Variants in GLS observed in about 807,000 individuals in gnomAD.
The protein encoded by GLS is glutaminase.
GLS carries 36 observed loss-of-function variants against 86.7 expected under a neutral mutation model. The observed-to-expected ratio is 0.42, with a 90% CI of 0.32 to 0.55. The LOEUF (loss-of-function observed/expected upper bound fraction) is 0.55. Among genes scored for constraint, GLS ranks in the 20% least tolerant of loss-of-function variants. The probability of loss-of-function intolerance (pLI) is 0.17; values close to 1 mark genes in which losing one functional copy is unlikely to be tolerated. For missense variants in GLS, 528 were observed against 833.4 expected (o/e 0.63, Z 4.51); for synonymous variants, 317 against 305.9 (o/e 1.04, Z -0.38).
In GLS at chr2:190,930,647, A is replaced by T; in HGVS notation, c.1557+79A>T. 1 of 1,359,762 alleles carries T rather than the reference A, an allele frequency of 7.4e-7. No individual in the cohort carries two copies. The highest frequency in any genetic ancestry group is 1.5e-5 in the African/African-American group (1 of 68,926). 84.2% of individuals were successfully genotyped at this position (1,359,762 alleles called of 1,614,324 possible). ...GATTCTTTTTTTTAACCCATTTTCCATAGTTCATTAACTCTTGGCCCTCCG... is the reference window on the plus strand; with the variant it reads ...GATTCTTTTTTTTAACCCATTTTCCTTAGTTCATTAACTCTTGGCCCTCCG... On this transcript the variant is annotated intron_variant, in intron 13 of 17. Coordinates refer to ENST00000320717, the MANE Select transcript of GLS (RefSeq NM_014905.5). The surrounding 1 kb of genome is among the most constrained non-coding windows in gnomAD (Gnocchi z 5.0).
chr2:190,937,606 G>A (rs1690308819), intron 14 of GLS, among the ~76,000 whole-genome samples: 1 of 151,348 alleles, frequency 6.6e-6, no homozygotes, highest in Non-Finnish European at 1.5e-5. Flanking sequence ...GAACATAGGA[G>A]AGGAAGAGAA....
At position 190,938,364 on chromosome 2, in the gene GLS, CCT is replaced by C. The variant is rs1690335038; in HGVS notation, c.1650+6730_1650+6731del. On this transcript the variant is annotated intron_variant, in intron 14 of 17. Transcript: ENST00000320717. The surrounding 1 kb of genome is among the most constrained non-coding windows in gnomAD (Gnocchi z 4.1). ...ATTTATGTTTATATAATGAAAATCT[CCT>C]CTGCACAGCAATTATATTTGGAATC... Among the ~76,000 whole-genome samples, 1 of 151,394 alleles carries C rather than the reference CCT, an allele frequency of 6.6e-6. No homozygotes were observed. Among genetic ancestry groups the C allele is most frequent in the Admixed American group, 6.6e-5 (1 of 15,178 alleles).
chr2:190,933,510 T>C (rs1690175055), intron 14 of GLS: 1 of 913,040 alleles, frequency 1.1e-6, no homozygotes, highest in African/African-American at 1.8e-5. Flanking sequence ...ACTCCTCTGT[T>C]CTGTCAGAGT....
intron 7 of GLS, among the ~76,000 whole-genome samples, chr2:190,917,525 T>C (rs1198229685): frequency 6.6e-6 from 1 of 152,226 alleles, no homozygotes; most frequent in Non-Finnish European, 1.5e-5. Context: ...CTTAATGATA[T>C]TTAGAATGGT....
At chr2:190,922,335 A>T (rs900247199) in intron 9 of GLS, among the ~76,000 whole-genome samples, 1 of 152,074 alleles carries the variant, frequency 6.6e-6, no homozygotes. Context: ...CTACTATTTT[A>T]TTCTTATTTT....
chr2:190,947,117 A>G lies in GLS; in HGVS notation c.1651-6448A>G, dbSNP rs896933334. On this transcript the variant is annotated intron_variant, in intron 14 of 17. Transcript: ENST00000320717. The surrounding 1 kb of genome is among the most constrained non-coding windows in gnomAD (Gnocchi z 5.0). ...TGAGTATATAATTCTAATAATTGCT[A>G]CTTACTCATAAGTACAGAATTATTA... 1.3e-5 allele frequency among the ~76,000 whole-genome samples: 2 copies of G among 152,208 alleles called. No homozygotes were observed. Among genetic ancestry groups the G allele is most frequent in the African/African-American group, 4.8e-5 (2 of 41,458 alleles).
At chr2:190,957,230 A>T (rs1334034498) in intron 17 of GLS, among the ~76,000 whole-genome samples, 3 of 152,176 alleles carry the variant, frequency 2.0e-5, no homozygotes, top group Admixed American at 6.5e-5. Context: ...AGCTGGGATT[A>T]CAGGCGTGTG....
chr2:190,880,911 AG>A lies in GLS; in HGVS notation c.-173del, dbSNP rs1224975741. 3.7e-5 allele frequency: 32 copies of A among 856,702 alleles called. 2 individuals are homozygous for A. Among genetic ancestry groups the A allele is most frequent in the Middle Eastern group, 3.3e-4 (1 of 3,026 alleles). 53.1% of individuals were successfully genotyped at this position (856,702 alleles called of 1,614,324 possible). A position where few individuals can be genotyped will look rare whatever the true frequency, so the allele number is the denominator to read the frequency against. On this transcript the variant is annotated 5_prime_UTR_variant, in exon 1 of 18. Transcript: ENST00000320717. ...CAGCAGCAGCAGCAGCAGCAGCAGC[AG>A]CAGCAGCACCCGCATCCGCTGCGGG...
chr2:190,905,166 T>C lies in GLS; in HGVS notation c.978T>C (p.Asp326=). 6.4e-7 allele frequency: 1 copy of C among 1,571,168 alleles called. No homozygotes were observed. The highest frequency in any genetic ancestry group is 8.7e-7 in the Non-Finnish European group (1 of 1,145,584). ...TCAACAAACTATTTTTGAATGAAGATGGTAAGAATTACATAAACATTGGTT... is the reference window on the plus strand; with the variant it reads ...TCAACAAACTATTTTTGAATGAAGACGGTAAGAATTACATAAACATTGGTT... ...LRFNKLFLNE[D]DKPHNPMVNA... is the part of the protein sequence containing the mutation. Residue 326 remains aspartate, a splice_region_variant and synonymous_variant, in exon 6 of 18, where the codon GAT becomes GAC. Coordinates refer to ENST00000320717, the MANE Select transcript of GLS (RefSeq NM_014905.5). The surrounding 1 kb of genome is among the most constrained non-coding windows in gnomAD (Gnocchi z 4.6).
rs765243401 is a variant in GLS at position 190,913,764 on chromosome 2, G to T, written c.1038+3443G>T. 3.1e-5 allele frequency: 30 copies of T among 977,182 alleles called. No individual in the cohort carries two copies. The highest frequency in any genetic ancestry group is 3.6e-5 in the Non-Finnish European group (30 of 822,540). 60.5% of individuals were successfully genotyped at this position (977,182 alleles called of 1,614,324 possible). A position where few individuals can be genotyped will look rare whatever the true frequency, so the allele number is the denominator to read the frequency against. On this transcript the variant is annotated intron_variant, in intron 7 of 17. Transcript: ENST00000320717. This position sits in a 1 kb window ranked among gnomAD's most constrained non-coding sequence, Gnocchi z 6.1. The stretch of plus-strand genomic sequence containing the variant: ...CTTTTTCATGTTAGAAATAGTAAAA[G>T]TTACACTGTCTTCTATGTTTTTACC...
chr2:190,930,379 A>C lies in GLS; in HGVS notation c.1426-58A>C. Reference sequence around the variant, plus strand: ...AGCCCCAGTTTCCCTATTGTTGAACATAACATTTCTTATTTTAAAATGTTT... The same window carrying C: ...AGCCCCAGTTTCCCTATTGTTGAACCTAACATTTCTTATTTTAAAATGTTT... On this transcript the variant is annotated intron_variant, in intron 12 of 17. Coordinates refer to ENST00000320717, the MANE Select transcript of GLS (RefSeq NM_014905.5). This position sits in a 1 kb window ranked among gnomAD's most constrained non-coding sequence, Gnocchi z 5.0. 1 of 1,320,614 alleles carries C rather than the reference A, an allele frequency of 7.6e-7. No homozygotes were observed. 81.8% of individuals were successfully genotyped at this position (1,320,614 alleles called of 1,614,324 possible). A position where few individuals can be genotyped will look rare whatever the true frequency, so the allele number is the denominator to read the frequency against.
rs182741996 is a variant in GLS at position 190,915,388 on chromosome 2, T to G, written c.1038+5067T>G. Among the ~76,000 whole-genome samples the G allele has an allele frequency of 3.0e-3, 456 of 152,214 alleles. 8 individuals carry two copies. Among genetic ancestry groups the G allele is most frequent in the African/African-American group, 0.01 (426 of 41,520 alleles). On this transcript the variant is annotated intron_variant, in intron 7 of 17. Coordinates refer to ENST00000320717, the MANE Select transcript of GLS (RefSeq NM_014905.5). ...TGTTTTTTAAAAATCATTTGGTGAG[T>G]GGATTAGAAATTTTGATAAGTATAT...
At chr2:190,886,392 A>C (rs1688379244) in intron 1 of GLS, among the ~76,000 whole-genome samples, 1 of 152,176 alleles carries the variant, frequency 6.6e-6, no homozygotes, top group South Asian at 2.1e-4. Context: ...AGTCTCCTGG[A>C]CTTTTAGCTG....
At chr2:190,885,566 T>C (rs1559312936) in intron 1 of GLS, among the ~76,000 whole-genome samples, 1 of 152,222 alleles carries the variant, frequency 6.6e-6, no homozygotes, top group Non-Finnish European at 1.5e-5. Context: ...TGAACAATAC[T>C]AGTAAGGAAG....
In GLS at chr2:190,910,309, T is replaced by C; in HGVS notation, c.1026T>C (p.Thr342=). The C allele has an allele frequency of 6.4e-7, 1 of 1,570,198 alleles. No homozygotes were observed. Among genetic ancestry groups the C allele is most frequent in the Non-Finnish European group, 8.7e-7 (1 of 1,147,070 alleles). The part of the protein sequence containing the change: ...PMVNAGAIVV[T]SLIKQGVNNA... The stretch of plus-strand genomic sequence containing the variant: ...TAAATGCTGGAGCAATTGTTGTGAC[T>C]TCACTAATAAAGGTAAAATGTTGAT... Residue 342 remains threonine (T), a synonymous_variant, in exon 7 of 18, where the codon ACT becomes ACC. Coordinates refer to ENST00000320717, the MANE Select transcript of GLS (RefSeq NM_014905.5).
chr2:190,950,880 G>A (rs1324174557), intron 14 of GLS, among the ~76,000 whole-genome samples: 2 of 152,180 alleles, frequency 1.3e-5, no homozygotes, highest in Non-Finnish European at 2.9e-5. Context: ...TCCATTTTGG[G>A]TATAAGTCTG....
chr2:190,931,720 A>C, intron 14 of GLS, 83 bp downstream of exon 14: 1 of 641,656 alleles, frequency 1.6e-6, no homozygotes, highest in East Asian at 2.8e-5. Context: ...ATAAAATCTT[A>C]GTTTGTTAGT....
chr2:190,944,526 CT>C (rs1381857863), intron 14 of GLS, among the ~76,000 whole-genome samples: 2 of 152,154 alleles, frequency 1.3e-5, no homozygotes, highest in African/African-American at 4.8e-5. Context: ...CTGTCTTTGT[CT>C]TTGCTCATTG....
At position 190,880,895 on chromosome 2, in the gene GLS, CAGCAG is replaced by C. The variant is rs1688117758; in HGVS notation, c.-189_-185del. On this transcript the variant is annotated 5_prime_UTR_variant, in exon 1 of 18. Transcript: ENST00000320717. ...CGCGCAGCAGCAGCAGCAGCAGCAG[CAGCAG>C]CAGCAGCAGCAGCAGCAGCACCCGC... 5.6e-6 allele frequency: 3 copies of C among 532,132 alleles called. No homozygotes were observed. Among genetic ancestry groups the C allele is most frequent in the African/African-American group, 5.2e-5 (2 of 38,826 alleles). The allele number at this position is 532,132 out of a possible 1,614,324, so 33.0% of individuals were successfully genotyped here.
Sources: gnomAD v4.1 joint callset for allele counts (sites outside exome capture counted in the v4.1 genomes callset) on GRCh38, gnomAD v4.1.1 for gene constraint, Gnocchi (gnomAD v3.1) non-coding constraint, MANE v1.5 for transcripts, NCBI Gene and HGNC (gene_info 2026-07-23, HGNC 2026-07-21) for gene names.